Variants in MYH14 observed in about 807,000 individuals in gnomAD.
MYH14 encodes myosin heavy chain 14.
MYH14 carries 123 observed loss-of-function variants against 255.5 expected under a neutral mutation model. The observed-to-expected ratio is 0.48, with a 90% CI of 0.42 to 0.56. The LOEUF (loss-of-function observed/expected upper bound fraction) is 0.56, where lower values mean the gene tolerates loss of function less well. Ranked by LOEUF, MYH14 falls within the 20% of genes least tolerant of loss-of-function variation. MYH14 has a pLI of 0.00. For synonymous variants in MYH14, 1,095 were observed against 1,161.2 expected, an observed-to-expected ratio of 0.94 and a Z score of 1.16; for missense variants, 2,423 against 2,802.3, an observed-to-expected ratio of 0.86 and a Z score of 3.06.
At chr19:50,259,097 C>A (rs1434195361) in intron 18 of MYH14, 47 bp from the exon 19 acceptor site, 1 of 1,528,456 alleles carries the variant, frequency 6.5e-7, no homozygotes, top group East Asian at 2.5e-5. Flanking sequence ...GTTTGGCGCC[C>A]CCGTGTGGCC....
At chr19:50,204,017 C>T (rs1403377605) in intron 1 of MYH14, among the ~76,000 whole-genome samples, 3 of 152,192 alleles carry the variant, frequency 2.0e-5, no homozygotes, top group African/African-American at 7.2e-5. Flanking sequence ...CCCCCGCCCC[C>T]AGCATGACAT....
rs1044430446 is a variant in MYH14 at position 50,260,532 on chromosome 19, T to A, written c.2355-114T>A. 6.4e-5 allele frequency: 45 copies of A among 699,046 alleles called. No individual in the cohort carries two copies. In the Admixed American group the frequency reaches 8.9e-4, roughly 14 times the overall value. 43.3% of individuals were successfully genotyped at this position (699,046 alleles called of 1,614,324 possible). ...TGAGTTTTGTGACTGTCCTTGTTAT[T>A]GTCACTGTTGTTCCTGCTGTGTGTC... On this transcript the variant is annotated intron_variant, in intron 19 of 42. Coordinates refer to ENST00000642316, the MANE Select transcript of MYH14 (RefSeq NM_001145809.2).
intron 10 of MYH14, among the ~76,000 whole-genome samples, chr19:50,239,111 C>T (rs1341695269): frequency 1.3e-5 from 2 of 152,210 alleles, no homozygotes; most frequent in African/African-American, 2.4e-5. Flanking sequence ...CCTCCGCCCC[C>T]CAGATTCAAG....
chr19:50,278,812 TAAAA>T (rs10605117), intron 30 of MYH14, among the ~76,000 whole-genome samples: 115 of 131,982 alleles, frequency 8.7e-4, no homozygotes, highest in African/African-American at 2.9e-3. Flanking sequence ...CTGTCTCTAC[TAAAA>T]AAAAAAAAAA....
In MYH14 at chr19:50,293,337, G is replaced by T. The variant is rs771656880; in HGVS notation, c.5345+16G>T. ...ACCTTAGCAAGTAAGTGCCCCAAGG[G>T]TCTGAAGGCTGAGGTACTGCGTCTG... On this transcript the variant is annotated intron_variant, in intron 38 of 42. Coordinates refer to ENST00000642316, the MANE Select transcript of MYH14 (RefSeq NM_001145809.2). This position sits in a 1 kb window ranked among gnomAD's most constrained non-coding sequence, Gnocchi z 4.1. 1 of 1,585,850 alleles carries T rather than the reference G, an allele frequency of 6.3e-7. No individual in the cohort carries two copies. The highest frequency in any genetic ancestry group is 8.6e-7 in the Non-Finnish European group (1 of 1,164,516).
intron 32 of MYH14, among the ~76,000 whole-genome samples, chr19:50,281,361 C>T (rs2035711354): frequency 6.6e-6 from 1 of 152,222 alleles, no homozygotes; most frequent in Admixed American, 6.5e-5. Flanking sequence ...CCAGGAAAGA[C>T]TCCAGGTCTG....
chr19:50,250,131 C>T lies in MYH14; in HGVS notation c.1656+308C>T, dbSNP rs550979830. Among the ~76,000 whole-genome samples, 28 of 152,248 alleles carry T rather than the reference C, an allele frequency of 1.8e-4. No homozygotes were observed. Among genetic ancestry groups the T allele is most frequent in the Non-Finnish European group, 2.9e-4 (20 of 68,016 alleles). ...TTGTTTTTTTCTTGAGACGGAGTCT[C>T]GCTCTATCGCCCAGGCTGGAGTGCA... is the stretch of plus-strand genomic sequence containing the variant. On this transcript the variant is annotated intron_variant, in intron 14 of 42. Coordinates refer to ENST00000642316, the MANE Select transcript of MYH14 (RefSeq NM_001145809.2). This position sits in a 1 kb window ranked among gnomAD's most constrained non-coding sequence, Gnocchi z 5.4.
chr19:50,274,032 T>G (rs2035415229), intron 27 of MYH14, among the ~76,000 whole-genome samples: 2 of 152,258 alleles, frequency 1.3e-5, no homozygotes, highest in Non-Finnish European at 2.9e-5. Context: ...CTCAGTTTTT[T>G]CATCTATAAA....
intron 10 of MYH14, among the ~76,000 whole-genome samples, chr19:50,243,023 A>G (rs1293798449): frequency 1.3e-5 from 2 of 152,180 alleles, no homozygotes; most frequent in Admixed American, 1.3e-4. Context: ...AAATGATAAA[A>G]TACGTGTGTG....
chr19:50,224,038 GTCCCCC>G, intron 5 of MYH14, 110 bp from the exon 6 acceptor site: 3 of 355,472 alleles, frequency 8.4e-6, no homozygotes, highest in Non-Finnish European at 1.5e-5. Flanking sequence ...GGTTTCCCCA[GTCCCCC>G]TTCCCCCACC....
chr19:50,259,381 G>C lies in MYH14; in HGVS notation c.2354+116G>C, dbSNP rs558914163. The stretch of plus-strand genomic sequence containing the variant: ...CTCTTGTTCCTTCTGCGCTGGGGAA[G>C]TTGAGGCAGATTACTCACTTTGCTG... On this transcript the variant is annotated intron_variant, in intron 19 of 42. Transcript: ENST00000642316. 44 of 1,360,474 alleles carry C rather than the reference G, an allele frequency of 3.2e-5. No homozygotes were observed. The Admixed American group carries it at 4.3e-4, about 13-fold the overall frequency. The allele number at this position is 1,360,474 out of a possible 1,614,324, so 84.3% of individuals were successfully genotyped here. A position where few individuals can be genotyped will look rare whatever the true frequency, so the allele number is the denominator to read the frequency against.
chr19:50,242,028 T>C (rs1952874610), intron 10 of MYH14, among the ~76,000 whole-genome samples: 1 of 150,774 alleles, frequency 6.6e-6, no homozygotes, highest in African/African-American at 2.4e-5. Context: ...GGGAATTTGT[T>C]GCAGATAATT....
At chr19:50,259,484 A>T (rs1455408314) in intron 19 of MYH14, among the ~76,000 whole-genome samples, 1 of 152,220 alleles carries the variant, frequency 6.6e-6, no homozygotes, top group Admixed American at 6.5e-5. Flanking sequence ...CACAGAGTCT[A>T]TGGGGATCTG....
intron 7 of MYH14, 86 bp from the exon 8 acceptor site, chr19:50,226,817 A>G: frequency 2.4e-6 from 3 of 1,259,768 alleles, no homozygotes; most frequent in Non-Finnish European, 3.5e-6. Flanking sequence ...CTCTGGGAGC[A>G]GTGGGTGTGG....
In MYH14 at chr19:50,271,394, G is replaced by T. The variant is rs1397663200; in HGVS notation, c.3034-15G>T. On this transcript the variant is annotated splice_polypyrimidine_tract_variant and intron_variant, in intron 24 of 42. Coordinates refer to ENST00000642316, the MANE Select transcript of MYH14 (RefSeq NM_001145809.2). The stretch of plus-strand genomic sequence containing the variant: ...TTGGCCCAGTATCCTCACTCCTCCT[G>T]CCTTCCCACCCCAGGAGCTAGAGGC... The T allele has an allele frequency of 2.5e-6, 4 of 1,593,902 alleles. No individual in the cohort carries two copies. Among genetic ancestry groups the T allele is most frequent in the African/African-American group, 1.3e-5 (1 of 74,402 alleles).
In MYH14 at chr19:50,221,111, G is replaced by C. The variant is rs988905405; in HGVS notation, c.563-1972G>C. Among the ~76,000 whole-genome samples the C allele has an allele frequency of 1.3e-5, 2 of 152,032 alleles. No individual in the cohort carries two copies. The highest frequency in any genetic ancestry group is 2.9e-5 in the Non-Finnish European group (2 of 68,002). On this transcript the variant is annotated intron_variant, in intron 3 of 42. Coordinates refer to ENST00000642316, the MANE Select transcript of MYH14 (RefSeq NM_001145809.2). This position sits in a 1 kb window ranked among gnomAD's most constrained non-coding sequence, Gnocchi z 5.3. ...TGCTGAGGTGGGATTCGAACCCAGG[G>C]CCCCTGACCACCGCCTCCCTGTATG...
chr19:50,259,390 GATTACTCA>G, intron 19 of MYH14, 125 bp downstream of exon 19: 1 of 1,285,216 alleles, frequency 7.8e-7, no homozygotes, highest in Non-Finnish European at 1.1e-6. Flanking sequence ...AGTTGAGGCA[GATTACTCA>G]CTTTGCTGAG....
intron 1 of MYH14, among the ~76,000 whole-genome samples, chr19:50,208,501 T>TA (rs999688900): frequency 3.3e-5 from 5 of 150,868 alleles, no homozygotes; most frequent in Non-Finnish European, 7.4e-5. Context: ...TTGGTTTCTG[T>TA]AAAAAAATAA....
At chr19:50,206,194 A>T (rs995371065) in intron 1 of MYH14, among the ~76,000 whole-genome samples, 1 of 148,868 alleles carries the variant, frequency 6.7e-6, no homozygotes, top group Non-Finnish European at 1.5e-5. Context: ...GGGGGCCTGC[A>T]CTTCCCAATC....
Sources: allele counts gnomAD v4.1 joint callset (sites outside exome capture counted in the v4.1 genomes callset), GRCh38; gene constraint gnomAD v4.1.1; non-coding constraint Gnocchi (gnomAD v3.1); transcripts MANE v1.5; gene names NCBI Gene and HGNC (gene_info 2026-07-23, HGNC 2026-07-21).